Variants in SMYD3 observed in about 807,000 individuals in gnomAD.
The protein encoded by SMYD3 is histone-lysine N-methyltransferase SMYD3.
A neutral mutation model predicts 57.7 loss-of-function variants in SMYD3; 36 were observed. The observed-to-expected ratio is 0.62, with a 90% CI of 0.48 to 0.82. The LOEUF (loss-of-function observed/expected upper bound fraction) is 0.82. SMYD3 is among the 40% of genes least tolerant of loss of function. SMYD3 has a pLI of 0.00. For synonymous variants in SMYD3, 211 were observed against 195.0 expected (o/e 1.08, Z -0.68); for missense variants, 515 against 538.8 (o/e 0.96, Z 0.44).
intron 8 of SMYD3, among the ~76,000 whole-genome samples, chr1:245,865,255 G>A (rs1266003608): frequency 6.6e-6 from 1 of 152,130 alleles, no homozygotes; most frequent in Non-Finnish European, 1.5e-5. Context: ...ATCCCATGGG[G>A]TAACACAGGC....
At chr1:245,906,349 C>T (rs934130032) in intron 8 of SMYD3, among the ~76,000 whole-genome samples, 1 of 152,116 alleles carries the variant, frequency 6.6e-6, no homozygotes, top group Non-Finnish European at 1.5e-5. Context: ...TTTGAATAGA[C>T]ATTGCTCAAA....
chr1:246,253,153 C>T (rs1180679740), intron 5 of SMYD3, among the ~76,000 whole-genome samples: 1 of 151,756 alleles, frequency 6.6e-6, no homozygotes, highest in Admixed American at 6.6e-5. Flanking sequence ...CAAGGGGGTA[C>T]ATGCGCAGGT....
At chr1:246,140,173 G>T (rs1285420727) in intron 5 of SMYD3, among the ~76,000 whole-genome samples, 1 of 152,190 alleles carries the variant, frequency 6.6e-6, no homozygotes, top group African/African-American at 2.4e-5. Context: ...ACAAGTGCCA[G>T]GTTTCTGCTG....
chr1:246,020,992 G>A (rs1014126528), intron 5 of SMYD3, among the ~76,000 whole-genome samples: 17 of 152,162 alleles, frequency 1.1e-4, no homozygotes, highest in Admixed American at 9.8e-4. Context: ...GTATAGGTTT[G>A]TCTAAGTAAA....
At chr1:246,494,359 C>CT (rs1051508669) in intron 1 of SMYD3, among the ~76,000 whole-genome samples, 2 of 151,660 alleles carry the variant, frequency 1.3e-5, no homozygotes, top group African/African-American at 4.8e-5. Flanking sequence ...GGTATCATGA[C>CT]TTTTTTTTTA....
intron 10 of SMYD3, among the ~76,000 whole-genome samples, chr1:245,829,182 TG>T (rs1176051538): frequency 1.3e-5 from 2 of 151,756 alleles, no homozygotes; most frequent in African/African-American, 4.8e-5. Flanking sequence ...TTCACTTATA[TG>T]GTTTCAGAAC....
intron 5 of SMYD3, among the ~76,000 whole-genome samples, chr1:246,135,081 A>AT (rs1304297092): frequency 2.6e-5 from 4 of 152,126 alleles, no homozygotes; most frequent in Non-Finnish European, 5.9e-5. Context: ...GGAAAATCAC[A>AT]TTATTTAAAA....
At chr1:246,230,313 G>T (rs751571292) in intron 5 of SMYD3, among the ~76,000 whole-genome samples, 1 of 151,894 alleles carries the variant, frequency 6.6e-6, no homozygotes, top group Non-Finnish European at 1.5e-5. Flanking sequence ...GAAAGAATAG[G>T]CCATTTCCCT....
At chr1:245,916,090 ATT>A (rs1442508111) in intron 7 of SMYD3, among the ~76,000 whole-genome samples, 2 of 152,084 alleles carry the variant, frequency 1.3e-5, no homozygotes, top group Non-Finnish European at 1.5e-5. Flanking sequence ...GCCTCATGGA[ATT>A]TAAGGTCATC....
chr1:246,143,547 G>A (rs184852287), intron 5 of SMYD3, among the ~76,000 whole-genome samples: 80 of 152,118 alleles, frequency 5.3e-4, no homozygotes, highest in Middle Eastern at 6.8e-3. Context: ...ATGTGGCTAC[G>A]GTCCCAGCTA....
chr1:246,151,067 G>T (rs1342307795), intron 5 of SMYD3, among the ~76,000 whole-genome samples: 1 of 152,028 alleles, frequency 6.6e-6, no homozygotes, highest in Non-Finnish European at 1.5e-5. Flanking sequence ...CCAAGATGGT[G>T]AAACCCTGTC....
At chr1:246,121,113 C>T (rs925151991) in intron 5 of SMYD3, among the ~76,000 whole-genome samples, 1 of 152,168 alleles carries the variant, frequency 6.6e-6, no homozygotes, top group African/African-American at 2.4e-5. Context: ...CATGTTGTGT[C>T]TGCAATCTCT....
At chr1:246,434,714 C>T (rs930679242) in intron 1 of SMYD3, among the ~76,000 whole-genome samples, 6 of 152,184 alleles carry the variant, frequency 3.9e-5, no homozygotes, top group Admixed American at 3.9e-4. Flanking sequence ...TAACCTAGTT[C>T]GGCCACTGTG....
chr1:246,405,900 A>G (rs2066856104), intron 1 of SMYD3, among the ~76,000 whole-genome samples: 1 of 131,246 alleles, frequency 7.6e-6, no homozygotes, highest in Admixed American at 8.2e-5. Flanking sequence ...ACAGAGCAAG[A>G]CTCTGTCTCA....
intron 10 of SMYD3, among the ~76,000 whole-genome samples, chr1:245,848,196 G>A (rs957170187): frequency 6.6e-6 from 1 of 151,982 alleles, no homozygotes; most frequent in African/African-American, 2.4e-5. Flanking sequence ...ACCTCCATGG[G>A]CTCAAGTGAT....
Position 245,921,549 on chromosome 1 carries a change from G to GTGTATATATA in SMYD3, c.703-5910_703-5909insTATATATACA, listed in dbSNP as rs2055938515. Among the ~76,000 whole-genome samples, 3 of 141,410 alleles carry GTGTATATATA rather than the reference G, an allele frequency of 2.1e-5. No individual in the cohort carries two copies. The South Asian group carries it at 7.8e-4, about 37-fold the overall frequency. The allele number at this position is 141,410 out of a possible 152,430, so 92.8% of individuals were successfully genotyped here. ...TCAACAGTGAGCTAAAAAATGTGGT[G>GTGTATATATA]TATATATATATATATATATATACAC... On this transcript the variant is annotated intron_variant, in intron 7 of 11. Coordinates refer to ENST00000490107, the MANE Select transcript of SMYD3 (RefSeq NM_001167740.2).
chr1:246,268,385 AC>A (rs1345005983), intron 5 of SMYD3, among the ~76,000 whole-genome samples: 3 of 151,846 alleles, frequency 2.0e-5, no homozygotes, highest in Non-Finnish European at 4.4e-5. Context: ...TGAATAATCC[AC>A]CCCTTGTTTA....
chr1:246,122,661 C>T (rs771786386), intron 5 of SMYD3, among the ~76,000 whole-genome samples: 3 of 152,184 alleles, frequency 2.0e-5, no homozygotes, highest in Non-Finnish European at 2.9e-5. Flanking sequence ...GACTAAAGGA[C>T]ACGTTTCATT....
chr1:246,444,342 T>A (rs2067519629), intron 1 of SMYD3, among the ~76,000 whole-genome samples: 1 of 152,092 alleles, frequency 6.6e-6, no homozygotes, highest in African/African-American at 2.4e-5. Flanking sequence ...GCCAGACTGG[T>A]CTCAAACTCC....
Sources: allele counts gnomAD v4.1 joint callset (sites outside exome capture counted in the v4.1 genomes callset), GRCh38; gene constraint gnomAD v4.1.1; transcripts MANE v1.5; gene names NCBI Gene and HGNC (gene_info 2026-07-23, HGNC 2026-07-21).